Variants in NOX3 observed in about 807,000 individuals in gnomAD.
NOX3 encodes NADPH oxidase 3.
NOX3 carries 74 observed loss-of-function variants against 76.7 expected under a neutral mutation model. The observed-to-expected ratio is 0.96, with a 90% confidence interval of 0.80 to 1.17. The LOEUF (loss-of-function observed/expected upper bound fraction) is 1.17. NOX3 is among the 50% of genes most tolerant of loss of function. The pLI, the probability that NOX3 is intolerant of heterozygous loss-of-function variation, is 0.00. For missense variants in NOX3, 695 were observed against 703.3 expected (o/e 0.99, Z 0.13); for synonymous variants, 263 against 261.1 (o/e 1.01, Z -0.07).
At chr6:155,436,310 T>C in intron 7 of NOX3, 108 bp downstream of exon 7, 1 of 1,250,084 alleles carries the variant, frequency 8.0e-7, no homozygotes, top group Non-Finnish European at 1.2e-6. Context: ...AATAAAGAGT[T>C]GGCTTTGTCT....
intron 8 of NOX3, among the ~76,000 whole-genome samples, chr6:155,429,857 G>C (rs1776809209): frequency 6.6e-6 from 1 of 152,090 alleles, no homozygotes; most frequent in Non-Finnish European, 1.5e-5. Context: ...TTTCATCATT[G>C]GTTCTAAGTT....
At chr6:155,436,694 C>T (rs2073011) in intron 6 of NOX3, 147 bp from the exon 7 acceptor site, 45,069 of 773,878 alleles carry the variant, frequency 0.058, 6,499 homozygotes, top group East Asian at 0.55. Context: ...TCATTCATTT[C>T]CCCCAGCTTC....
chr6:155,407,061 T>C lies in NOX3; in HGVS notation c.1580+69A>G. On this transcript the variant is annotated intron_variant, in intron 12 of 13. Coordinates refer to ENST00000159060, the MANE Select transcript of NOX3 (RefSeq NM_015718.3). ...ATATACGGTACTGCAGATTAACTTT[T>C]CACTCCAGCAGCCCTTGCATTTCTC... is the stretch of plus-strand genomic sequence containing the variant. The C allele has an allele frequency of 1.9e-6, 3 of 1,576,602 alleles. No homozygotes were observed. The South Asian group carries it at 3.3e-5, about 18-fold the overall frequency.
At position 155,430,844 on chromosome 6, in the gene NOX3, T is replaced by G; in HGVS notation, c.890A>C (p.Lys297Thr). 6.2e-7 allele frequency: 1 copy of G among 1,605,876 alleles called. No homozygotes were observed. Among genetic ancestry groups the G allele is most frequent in the Non-Finnish European group, 8.5e-7 (1 of 1,172,810 alleles). ...WRFQQEVVIT[K>T]VVSHPSGVLE... ...TCAGACATAAAGCTACATGCATACC[T>G]TGGTAATGACAACTTCTTGTTGAAA... The change falls in exon 8 of 14, where the codon AAG becomes ACG. Residue 297 changes from lysine to threonine, a missense_variant and splice_region_variant. Lys to Thr is a moderately conservative substitution (Grantham distance 78). Transcript: ENST00000159060.
rs187175821 is a variant in NOX3 at position 155,437,870 on chromosome 6, T to C, written c.669-1323A>G. ...AATCCTACTTTCACTTGGCACTTTG[T>C]GTAGAATTTGCAAATTGCTTTCGCT... is the stretch of plus-strand genomic sequence containing the variant. On this transcript the variant is annotated intron_variant, in intron 6 of 13. Transcript: ENST00000159060. Among the ~76,000 whole-genome samples, 57 of 152,352 alleles carry C rather than the reference T, an allele frequency of 3.7e-4. 1 individual carries two copies. The highest frequency in any genetic ancestry group is 1.3e-3 in the African/African-American group (54 of 41,588).
chr6:155,435,706 C>T (rs1694980111), intron 7 of NOX3, among the ~76,000 whole-genome samples: 1 of 152,150 alleles, frequency 6.6e-6, no homozygotes, highest in Non-Finnish European at 1.5e-5. Flanking sequence ...TCAAGCATCA[C>T]TTGGTTGTCC....
At chr6:155,438,908 A>AGGAG (rs2114701620) in intron 6 of NOX3, among the ~76,000 whole-genome samples, 1 of 152,350 alleles carries the variant, frequency 6.6e-6, no homozygotes, top group South Asian at 2.1e-4. Flanking sequence ...CATTAGCAAC[A>AGGAG]TTGCTGGCCA....
Position 155,451,366 on chromosome 6 carries a change from A to C in NOX3, c.340+2038T>G, listed in dbSNP as rs1026633131. On this transcript the variant is annotated intron_variant, in intron 4 of 13. Coordinates refer to ENST00000159060, the MANE Select transcript of NOX3 (RefSeq NM_015718.3). ...TACCAATCAGTAGCAGGGGTATAAA[A>C]TAATTTGGTTACCTGATTTTAGTCA... is the stretch of plus-strand genomic sequence containing the variant. Among the ~76,000 whole-genome samples the C allele has an allele frequency of 2.0e-5, 3 of 152,304 alleles. No individual in the cohort carries two copies. The South Asian group carries it at 6.2e-4, about 32-fold the overall frequency.
At chr6:155,408,849 A>C (rs1442691955) in intron 11 of NOX3, among the ~76,000 whole-genome samples, 1 of 152,102 alleles carries the variant, frequency 6.6e-6, no homozygotes, top group Non-Finnish European at 1.5e-5. Flanking sequence ...ACTAACTCAG[A>C]AACAAAAAAC....
intron 12 of NOX3, among the ~76,000 whole-genome samples, chr6:155,405,836 C>T (rs1239527868): frequency 6.6e-6 from 1 of 152,218 alleles, no homozygotes; most frequent in African/African-American, 2.4e-5. Flanking sequence ...TGTCCCAGGC[C>T]CCTCACGTTC....
intron 10 of NOX3, among the ~76,000 whole-genome samples, chr6:155,421,614 A>G (rs1776690763): frequency 6.6e-6 from 1 of 152,118 alleles, no homozygotes; most frequent in South Asian, 2.1e-4. Context: ...CCCAGGCTGG[A>G]GTGCAGTGGT....
chr6:155,413,658 T>G (rs758402927), intron 10 of NOX3, among the ~76,000 whole-genome samples: 1 of 152,202 alleles, frequency 6.6e-6, no homozygotes, highest in Non-Finnish European at 1.5e-5. Context: ...CATTTTGCCT[T>G]GCTTTGCTCT....
intron 12 of NOX3, among the ~76,000 whole-genome samples, chr6:155,403,358 A>C (rs2114675259): frequency 6.6e-6 from 1 of 152,336 alleles, no homozygotes; most frequent in South Asian, 2.1e-4. Flanking sequence ...GGACAAAATC[A>C]TTGACTTTGC....
At chr6:155,431,413 A>ACAC (rs1776830964) in intron 7 of NOX3, among the ~76,000 whole-genome samples, 4 of 144,732 alleles carry the variant, frequency 2.8e-5, no homozygotes, top group Admixed American at 6.9e-5. Context: ...TAAACACAGA[A>ACAC]ACACACACAC....
chr6:155,406,941 G>A (rs948870517), intron 12 of NOX3, among the ~76,000 whole-genome samples, 189 bp downstream of exon 12: 4 of 152,206 alleles, frequency 2.6e-5, no homozygotes, highest in African/African-American at 9.6e-5. Flanking sequence ...ATCAATAACT[G>A]TCAGAGGTTG....
chr6:155,419,556 C>T (rs1434084166), intron 10 of NOX3, among the ~76,000 whole-genome samples: 6 of 152,138 alleles, frequency 3.9e-5, no homozygotes, highest in South Asian at 2.1e-4. Flanking sequence ...TCACCTGAGT[C>T]GTGTCCAAAT....
chr6:155,424,682 T>C (rs1014162742), intron 9 of NOX3, among the ~76,000 whole-genome samples: 1 of 152,146 alleles, frequency 6.6e-6, no homozygotes, highest in African/African-American at 2.4e-5. Flanking sequence ...TATTGATATA[T>C]GGAAATGGAA....
At chr6:155,418,302 T>G (rs1174464241) in intron 10 of NOX3, among the ~76,000 whole-genome samples, 1 of 152,124 alleles carries the variant, frequency 6.6e-6, no homozygotes, top group Non-Finnish European at 1.5e-5. Flanking sequence ...GTGGAGGACT[T>G]TATTGCTAGA....
At chr6:155,438,358 G>A (rs1042695593) in intron 6 of NOX3, among the ~76,000 whole-genome samples, 11 of 152,300 alleles carry the variant, frequency 7.2e-5, no homozygotes, top group African/African-American at 2.6e-4. Flanking sequence ...ACCTCTAGCT[G>A]AAAGAGAATG....
Sources: allele counts gnomAD v4.1 joint callset (sites outside exome capture counted in the v4.1 genomes callset), GRCh38; gene constraint gnomAD v4.1.1; transcripts MANE v1.5; gene names NCBI Gene and HGNC (gene_info 2026-07-23, HGNC 2026-07-21).